The following RNF11 variants were observed in gnomAD, a reference collection of about 807,000 sequenced individuals.
The protein encoded by RNF11 is ring finger protein 11.
In RNF11, 4 loss-of-function variants were observed where a neutral mutation model predicts 15.8. The observed-to-expected ratio is 0.25, with a 90% CI of 0.12 to 0.58. The LOEUF (loss-of-function observed/expected upper bound fraction) is 0.58, where lower values mean the gene tolerates loss of function less well. Among genes scored for constraint, RNF11 ranks in the 20% least tolerant of loss-of-function variants. The probability of loss-of-function intolerance (pLI) is 0.91; values close to 1 mark genes in which losing one functional copy is unlikely to be tolerated. For synonymous variants in RNF11, 68 were observed against 72.3 expected (o/e 0.94, Z 0.30); for missense variants, 139 against 194.4 (o/e 0.71, Z 1.70).
intron 1 of RNF11, among the ~76,000 whole-genome samples, chr1:51,245,075 C>T (rs1175384466): frequency 2.0e-5 from 3 of 152,090 alleles, no homozygotes; most frequent in African/African-American, 2.4e-5. Flanking sequence ...CTTTTTCTTT[C>T]TTTGAGACAT....
chr1:51,252,192 G>T (rs1221178492), intron 1 of RNF11, among the ~76,000 whole-genome samples: 2 of 150,406 alleles, frequency 1.3e-5, no homozygotes, highest in Admixed American at 6.6e-5. Flanking sequence ...GGCTTATTTC[G>T]TAAGAATGCA....
chr1:51,267,438 A>T (rs1646960310), intron 1 of RNF11, among the ~76,000 whole-genome samples: 1 of 152,240 alleles, frequency 6.6e-6, no homozygotes, highest in African/African-American at 2.4e-5. Context: ...TACAGCAAAG[A>T]ATCAAAGCAA....
intron 1 of RNF11, among the ~76,000 whole-genome samples, chr1:51,258,042 T>C (rs1217049504): frequency 6.6e-6 from 1 of 151,528 alleles, no homozygotes; most frequent in Non-Finnish European, 1.5e-5. Context: ...GTAGTAGAGA[T>C]GGAGTTTCAC....
chr1:51,245,019 T>C (rs1336813293), intron 1 of RNF11, among the ~76,000 whole-genome samples: 1 of 152,190 alleles, frequency 6.6e-6, no homozygotes, highest in Non-Finnish European at 1.5e-5. Flanking sequence ...TTGCAGAATT[T>C]TGATCTTTAA....
intron 1 of RNF11, among the ~76,000 whole-genome samples, chr1:51,264,147 C>T (rs1348901367): frequency 6.7e-6 from 1 of 149,460 alleles, no homozygotes; most frequent in African/African-American, 2.5e-5. Flanking sequence ...GTCCCAGCTA[C>T]TCAGGAGACT....
rs1340188948 is a variant in RNF11, at chr1:51,256,049, C to T, written c.124-13907C>T. Among the ~76,000 whole-genome samples, 3 of 152,018 alleles carry T rather than the reference C, an allele frequency of 2.0e-5. No homozygotes were observed. In the East Asian group the frequency reaches 5.8e-4, roughly 29 times the overall value. On this transcript the variant is annotated intron_variant, in intron 1 of 2. Coordinates refer to ENST00000242719, the MANE Select transcript of RNF11 (RefSeq NM_014372.5). ...CTACATTTAATTTTTTTTAATGAAC[C>T]CACATTGAAATATTCAACGATTGCC... is the stretch of plus-strand genomic sequence containing the variant.
intron 1 of RNF11, among the ~76,000 whole-genome samples, chr1:51,267,357 C>A (rs72904225): frequency 6.6e-6 from 1 of 152,082 alleles, no homozygotes; most frequent in Non-Finnish European, 1.5e-5. Context: ...CAAAACAGTC[C>A]CCAGGTTTGG....
intron 1 of RNF11, chr1:51,250,508 T>G: frequency 1.9e-6 from 1 of 534,826 alleles, no homozygotes; most frequent in Non-Finnish European, 3.3e-6. Flanking sequence ...GCTAATTTGT[T>G]TACACAAGTA....
intron 1 of RNF11, among the ~76,000 whole-genome samples, chr1:51,256,963 C>T (rs1441906275): frequency 6.6e-6 from 1 of 152,132 alleles, no homozygotes; most frequent in African/African-American, 2.4e-5. Flanking sequence ...CGTGAGCCAC[C>T]GTGCCTGGTC....
At chr1:51,253,205 G>T (rs1229374451) in intron 1 of RNF11, among the ~76,000 whole-genome samples, 1 of 152,102 alleles carries the variant, frequency 6.6e-6, no homozygotes. Context: ...TAATAAAAAA[G>T]AATGGTAATT....
At chr1:51,265,546 A>G (rs1484302443) in intron 1 of RNF11, among the ~76,000 whole-genome samples, 8 of 152,220 alleles carry the variant, frequency 5.3e-5, no homozygotes, top group African/African-American at 1.9e-4. Flanking sequence ...AACTAAAGAA[A>G]GTATTAAGGA....
At chr1:51,250,779 C>A in intron 1 of RNF11, 2 of 1,426,682 alleles carry the variant, frequency 1.4e-6, no homozygotes, top group Non-Finnish European at 2.0e-6. Flanking sequence ...GGCGAAGTTG[C>A]CCAGGGTGGC....
chr1:51,244,133 G>T (rs1199706916), intron 1 of RNF11, among the ~76,000 whole-genome samples: 3 of 152,146 alleles, frequency 2.0e-5, no homozygotes, highest in Admixed American at 6.5e-5. Context: ...TGTCACATCT[G>T]CTCTTTTAGA....
At chr1:51,246,507 G>A (rs1376150785) in intron 1 of RNF11, among the ~76,000 whole-genome samples, 2 of 151,760 alleles carry the variant, frequency 1.3e-5, no homozygotes, top group East Asian at 1.9e-4. Context: ...GAGTTGGAAG[G>A]TATAATGAGC....
At chr1:51,237,653 A>G (rs192907749) in intron 1 of RNF11, among the ~76,000 whole-genome samples, 1 of 151,982 alleles carries the variant, frequency 6.6e-6, no homozygotes, top group African/African-American at 2.4e-5. Flanking sequence ...TGCTTTTTGT[A>G]CAATAATCAG....
chr1:51,245,197 C>G (rs1408719151), intron 1 of RNF11, among the ~76,000 whole-genome samples: 1 of 150,870 alleles, frequency 6.6e-6, no homozygotes, highest in Non-Finnish European at 1.5e-5. Flanking sequence ...GTAGCTGGGA[C>G]TATAGGCGTG....
rs1282720884 is a variant in RNF11, at chr1:51,271,959, A to G, written c.*637A>G. ...TGCTATATTCTGTTTGCAGTTAGGA[A>G]ATGCAGAATTCAAAGTGATCTCCTA... On this transcript the variant is annotated 3_prime_UTR_variant, in exon 3 of 3. Transcript: ENST00000242719. 6.6e-6 allele frequency: 1 copy of G among 152,630 alleles called. No homozygotes were observed. The highest frequency in any genetic ancestry group is 2.4e-5 in the African/African-American group (1 of 41,458). The allele number at this position is 152,630 out of a possible 1,614,324, so 9.5% of individuals were successfully genotyped here.
intron 2 of RNF11, among the ~76,000 whole-genome samples, chr1:51,270,711 T>C (rs1166662067): frequency 6.6e-6 from 1 of 152,208 alleles, no homozygotes; most frequent in African/African-American, 2.4e-5. Flanking sequence ...GAAACAAAGT[T>C]GCCCGAAGTT....
intron 1 of RNF11, chr1:51,251,380 G>A (rs371399897): frequency 9.7e-6 from 14 of 1,444,718 alleles, no homozygotes; most frequent in East Asian, 7.2e-5. Flanking sequence ...CCCCGGCCCC[G>A]GATGCCACTG....
Sources: gnomAD v4.1 joint callset for allele counts (sites outside exome capture counted in the v4.1 genomes callset) on GRCh38, gnomAD v4.1.1 for gene constraint, MANE v1.5 for transcripts, NCBI Gene and HGNC (gene_info 2026-07-23, HGNC 2026-07-21) for gene names.